The following WWOX variants were observed in gnomAD, a reference collection of about 807,000 sequenced individuals.
WWOX encodes WW domain-containing oxidoreductase.
WWOX carries 69 observed loss-of-function variants against 46.2 expected under a neutral mutation model. That is an observed-to-expected ratio of 1.49 (90% CI 1.23 to 1.82). WWOX has a LOEUF of 1.82. WWOX is among the 40% of genes most tolerant of loss of function. The probability of loss-of-function intolerance (pLI) is 0.00; values close to 1 mark genes in which losing one functional copy is unlikely to be tolerated. For missense variants in WWOX, 919 were observed against 542.6 expected (o/e 1.69, Z -6.89); for synonymous variants, 359 against 202.6 (o/e 1.77, Z -6.56).
chr16:78,817,736 C>A (rs191253570), intron 8 of WWOX, among the ~76,000 whole-genome samples: 7 of 152,258 alleles, frequency 4.6e-5, no homozygotes, highest in Admixed American at 4.6e-4. Context: ...AGGACCTCTT[C>A]GGGTCCCAGC....
intron 8 of WWOX, among the ~76,000 whole-genome samples, chr16:78,474,789 C>T (rs1043958396): frequency 6.6e-6 from 1 of 152,104 alleles, no homozygotes; most frequent in African/African-American, 2.4e-5. Flanking sequence ...CATCTCCATG[C>T]GTTTGTATAT....
At chr16:78,134,015 C>G (rs1465484891) in intron 4 of WWOX, among the ~76,000 whole-genome samples, 1 of 152,140 alleles carries the variant, frequency 6.6e-6, no homozygotes, top group Non-Finnish European at 1.5e-5. Flanking sequence ...TTCAATGTAC[C>G]TAGACTGTTT....
At chr16:78,334,651 G>A (rs980000096) in intron 5 of WWOX, among the ~76,000 whole-genome samples, 1 of 151,884 alleles carries the variant, frequency 6.6e-6, no homozygotes, top group Non-Finnish European at 1.5e-5. Context: ...ATAAATCCAA[G>A]AATTAATTTA....
intron 8 of WWOX, among the ~76,000 whole-genome samples, chr16:78,923,161 A>C (rs1261972048): frequency 6.6e-6 from 1 of 151,864 alleles, no homozygotes; most frequent in Non-Finnish European, 1.5e-5. Flanking sequence ...TTGTATTTTT[A>C]GTAGAGACGG....
chr16:78,245,509 T>TCCAATTACCATGTAATTGAGAGCAC (rs2037790228), intron 5 of WWOX, among the ~76,000 whole-genome samples: 4 of 152,236 alleles, frequency 2.6e-5, no homozygotes, highest in Non-Finnish European at 5.9e-5. Flanking sequence ...GAGCTTGGCT[T>TCCAATTACCATGTAATTGAGAGCAC]CAGAGCCAGG....
At chr16:79,202,242 A>T (rs2051369375) in intron 8 of WWOX, among the ~76,000 whole-genome samples, 1 of 152,130 alleles carries the variant, frequency 6.6e-6, no homozygotes, top group Admixed American at 6.6e-5. Flanking sequence ...TATATACAGG[A>T]AAGAATGAGG....
intron 8 of WWOX, among the ~76,000 whole-genome samples, chr16:78,530,612 G>A (rs1567625464): frequency 2.0e-5 from 3 of 152,084 alleles, no homozygotes; most frequent in South Asian, 4.2e-4. Context: ...GGGTGGTTGT[G>A]GAAAAGGCAA....
At chr16:78,876,470 CTTT>C (rs5818185) in intron 8 of WWOX, among the ~76,000 whole-genome samples, 2 of 124,986 alleles carry the variant, frequency 1.6e-5, no homozygotes, top group African/African-American at 2.8e-5. Flanking sequence ...CTTGACTCTT[CTTT>C]TTTTTTTTTT....
At chr16:78,391,246 G>A (rs536938889) in intron 6 of WWOX, among the ~76,000 whole-genome samples, 1 of 152,276 alleles carries the variant, frequency 6.6e-6, no homozygotes, top group East Asian at 1.9e-4. Flanking sequence ...CCATGATTAT[G>A]TAAACAATAG....
intron 5 of WWOX, among the ~76,000 whole-genome samples, chr16:78,385,074 C>T (rs1203609150): frequency 1.3e-5 from 2 of 151,310 alleles, no homozygotes; most frequent in African/African-American, 4.9e-5. Flanking sequence ...GTGGAGGTTG[C>T]AGTGAGCCAA....
chr16:78,466,451 G>T lies in WWOX; in HGVS notation c.1056+33699G>T, dbSNP rs149305718. 3.2e-3 allele frequency among the ~76,000 whole-genome samples: 486 copies of T among 152,262 alleles called. 2 individuals carry two copies. Among genetic ancestry groups the T allele is most frequent in the African/African-American group, 0.011 (474 of 41,570 alleles). On this transcript the variant is annotated intron_variant, in intron 8 of 8. Transcript: ENST00000566780. ...TACACTTTGAAATAATTTATGTTAT[G>T]TGAATTTCATCTCAGCAAAAAGAGG... is the stretch of plus-strand genomic sequence containing the variant.
intron 8 of WWOX, among the ~76,000 whole-genome samples, chr16:78,494,087 G>A (rs903081707): frequency 3.9e-5 from 6 of 152,030 alleles, no homozygotes; most frequent in Non-Finnish European, 8.8e-5. Context: ...TTACAGTTAT[G>A]GCAGAAGGTG....
chr16:78,657,025 T>C (rs1424948274), intron 8 of WWOX, among the ~76,000 whole-genome samples: 1 of 152,156 alleles, frequency 6.6e-6, no homozygotes, highest in Non-Finnish European at 1.5e-5. Flanking sequence ...TACTCATTTA[T>C]TTCTGAAAAT....
chr16:78,687,604 A>T (rs1045176435), intron 8 of WWOX, among the ~76,000 whole-genome samples: 2 of 151,968 alleles, frequency 1.3e-5, no homozygotes, highest in Non-Finnish European at 2.9e-5. Context: ...CCCAATAAAC[A>T]TATTTTCTAA....
intron 8 of WWOX, among the ~76,000 whole-genome samples, chr16:78,929,109 T>C (rs868399944): frequency 5.3e-5 from 8 of 152,184 alleles, no homozygotes; most frequent in African/African-American, 1.7e-4. Flanking sequence ...ATAATCAAAA[T>C]GTATTTAACG....
intron 5 of WWOX, among the ~76,000 whole-genome samples, chr16:78,293,917 C>T (rs1396321353): frequency 7.9e-6 from 1 of 125,892 alleles, no homozygotes; most frequent in East Asian, 2.6e-4. Flanking sequence ...GCAGAGGTTG[C>T]AGTGAGCCGA....
chr16:78,992,392 G>A (rs112838594), intron 8 of WWOX, among the ~76,000 whole-genome samples: 102 of 152,138 alleles, frequency 6.7e-4, no homozygotes, highest in Non-Finnish European at 1.2e-3. Flanking sequence ...GCTTGAATCC[G>A]GGAGGCAGAG....
Position 78,343,053 on chromosome 16 carries a change from T to G in WWOX, c.517-43807T>G, listed in dbSNP as rs1365778243. On this transcript the variant is annotated intron_variant, in intron 5 of 8. Transcript: ENST00000566780. The stretch of plus-strand genomic sequence containing the variant: ...TTTGACGTGAACCATGGCCATCCAG[T>G]AGGCCACGCAACATTCCCACTGCCA... Among the ~76,000 whole-genome samples the G allele has an allele frequency of 1.6e-5, 2 of 121,358 alleles. 1 individual carries two copies. The highest frequency in any genetic ancestry group is 3.9e-5 in the Non-Finnish European group (2 of 50,638). 79.6% of individuals were successfully genotyped at this position (121,358 alleles called of 152,430 possible).
At chr16:78,385,466 T>C (rs147063058) in intron 5 of WWOX, among the ~76,000 whole-genome samples, 2,177 of 152,350 alleles carry the variant, frequency 0.014, 31 homozygotes, top group South Asian at 0.052. Context: ...AATATTCATC[T>C]TTTACAGATA....
Sources: gnomAD v4.1 joint callset for allele counts (sites outside exome capture counted in the v4.1 genomes callset) on GRCh38, gnomAD v4.1.1 for gene constraint, MANE v1.5 for transcripts, NCBI Gene and HGNC (gene_info 2026-07-23, HGNC 2026-07-21) for gene names.